STOX2: variants seen among roughly 807,000 people sequenced by gnomAD.
STOX2 encodes the protein storkhead-box protein 2.
Under a neutral mutation model 60.9 loss-of-function variants are expected in STOX2, and 28 were observed. That is an observed-to-expected ratio of 0.46 (90% CI 0.34 to 0.63). STOX2 has a LOEUF of 0.63. Ranked by LOEUF, STOX2 falls within the 30% of genes least tolerant of loss-of-function variation. The pLI, the probability that STOX2 is intolerant of heterozygous loss-of-function variation, is 0.01. For missense variants in STOX2, 1,024 were observed against 1,187.7 expected (o/e 0.86, Z 2.03); for synonymous variants, 472 against 463.9 (o/e 1.02, Z -0.22).
upstream of STOX2, among the ~76,000 whole-genome samples, chr4:183,905,101 C>A (rs992058677): frequency 2.6e-5 from 4 of 152,242 alleles, no homozygotes; most frequent in African/African-American, 9.6e-5. Context: ...AAACCCAAAT[C>A]GAGGAGATAA....
intron 1 of STOX2, among the ~76,000 whole-genome samples, chr4:183,810,476 C>T (rs1356464768): frequency 6.6e-6 from 1 of 152,038 alleles, no homozygotes; most frequent in Non-Finnish European, 1.5e-5. Context: ...AATTCATTGC[C>T]AAAGAAAGAG....
At chr4:183,916,592 A>G (rs1451526534) in intron 1 of STOX2, among the ~76,000 whole-genome samples, 1 of 152,214 alleles carries the variant, frequency 6.6e-6, no homozygotes, top group East Asian at 1.9e-4. Flanking sequence ...TTTTGTCATT[A>G]AAAGTAATGG....
At position 183,836,700 on chromosome 4, in the gene STOX2, G is replaced by T. The variant is rs1006441535; in HGVS notation, c.364+38645G>T. Among the ~76,000 whole-genome samples, 1 of 152,158 alleles carries T rather than the reference G, an allele frequency of 6.6e-6. No homozygotes were observed. The highest frequency in any genetic ancestry group is 2.4e-5 in the African/African-American group (1 of 41,424). Reference sequence around the variant, plus strand: ...CATCGCAGTCACCGTCTCCCATTTCGTGGCAGGGTCAGTGACTTCTCGTGA... The same window carrying T: ...CATCGCAGTCACCGTCTCCCATTTCTTGGCAGGGTCAGTGACTTCTCGTGA... On this transcript the variant is annotated intron_variant, in intron 1 of 2. Transcript: ENST00000513034. This position sits in a 1 kb window ranked among gnomAD's most constrained non-coding sequence, Gnocchi z 4.1.
At chr4:183,988,103 T>G (rs1283475823) in intron 1 of STOX2, among the ~76,000 whole-genome samples, 1 of 151,936 alleles carries the variant, frequency 6.6e-6, no homozygotes, top group Non-Finnish European at 1.5e-5. Context: ...ACCCCGCGCC[T>G]GGGGTACATT....
At position 184,022,889 on chromosome 4, in the gene STOX2, C is replaced by G. The variant is rs1481802211; in HGVS notation, c.*5605C>G. On this transcript the variant is annotated 3_prime_UTR_variant, in exon 4 of 4. Transcript: ENST00000308497. The stretch of plus-strand genomic sequence containing the variant: ...CACACTTGCTGGGTTAGGAATAGAG[C>G]TGCCCTAGGGTCACCTTCATGCAAG... 1 of 152,132 alleles carries G rather than the reference C, an allele frequency of 6.6e-6. No individual in the cohort carries two copies. The highest frequency in any genetic ancestry group is 1.5e-5 in the Non-Finnish European group (1 of 68,012). 9.4% of individuals were successfully genotyped at this position (152,132 alleles called of 1,614,324 possible).
chr4:183,882,954 T>C (rs1740988994), intron 1 of STOX2, among the ~76,000 whole-genome samples: 1 of 152,238 alleles, frequency 6.6e-6, no homozygotes, highest in Non-Finnish European at 1.5e-5. Context: ...TTCCAAGAAA[T>C]GCTAAATGTT....
intron 1 of STOX2, among the ~76,000 whole-genome samples, chr4:183,835,013 G>A (rs1399043154): frequency 3.3e-5 from 5 of 152,096 alleles, no homozygotes; most frequent in African/African-American, 1.2e-4. Flanking sequence ...AGAGTTTGAT[G>A]CAATACAGTG....
chr4:183,798,391 A>G (rs1321859463), intron 1 of STOX2, among the ~76,000 whole-genome samples: 1 of 150,756 alleles, frequency 6.6e-6, no homozygotes, highest in Non-Finnish European at 1.5e-5. Context: ...GGGGCGCGTG[A>G]GTGTCCCCCT....
At chr4:184,003,136 G>A (rs1376734834) in intron 2 of STOX2, among the ~76,000 whole-genome samples, 1 of 152,356 alleles carries the variant, frequency 6.6e-6, no homozygotes, top group African/African-American at 2.4e-5. Flanking sequence ...CAGTGGTCTT[G>A]GAGGAAGGAC....
intron 1 of STOX2, among the ~76,000 whole-genome samples, chr4:183,818,874 G>T (rs1027752553): frequency 3.9e-5 from 6 of 152,068 alleles, no homozygotes; most frequent in Non-Finnish European, 8.8e-5. Context: ...CAGACGGGGT[G>T]GTGGGGCAGA....
intron 1 of STOX2, among the ~76,000 whole-genome samples, chr4:183,798,380 CG>C (rs907183272): frequency 5.3e-5 from 8 of 150,728 alleles, no homozygotes; most frequent in Admixed American, 2.6e-4. Context: ...GCGCGGCGCT[CG>C]GGGCGCGTGA....
intron 2 of STOX2, among the ~76,000 whole-genome samples, chr4:184,007,026 A>AC (rs1560937281): frequency 2.3e-5 from 3 of 130,204 alleles, no homozygotes; most frequent in East Asian, 2.1e-4. Flanking sequence ...AAAAAAAAAA[A>AC]AAAAAACAAA....
At chr4:183,866,091 C>T (rs764138502) in intron 1 of STOX2, among the ~76,000 whole-genome samples, 8 of 152,110 alleles carry the variant, frequency 5.3e-5, no homozygotes, top group Non-Finnish European at 7.3e-5. Context: ...GAAAGATACA[C>T]GTGCTGATGA....
At chr4:183,849,248 G>A (rs903291601) in intron 1 of STOX2, among the ~76,000 whole-genome samples, 2 of 152,204 alleles carry the variant, frequency 1.3e-5, no homozygotes, top group African/African-American at 4.8e-5. Context: ...TGGAGTTGGG[G>A]AATTAGGAGC....
intron 1 of STOX2, among the ~76,000 whole-genome samples, chr4:183,968,298 C>G (rs1044326028): frequency 6.6e-6 from 1 of 151,120 alleles, no homozygotes. Flanking sequence ...ATCACCATTA[C>G]TGCATTAAAA....
chr4:183,815,045 G>A (rs73008725), intron 1 of STOX2, among the ~76,000 whole-genome samples: 3,077 of 151,692 alleles, frequency 0.02, 81 homozygotes, highest in African/African-American at 0.071. Flanking sequence ...TGTTGCCCAC[G>A]CTGGAGTGCA....
intron 1 of STOX2, among the ~76,000 whole-genome samples, chr4:183,918,386 A>G (rs1477163853): frequency 6.6e-6 from 1 of 152,206 alleles, no homozygotes; most frequent in African/African-American, 2.4e-5. Context: ...ACTTGGCTTT[A>G]CTTAAAATCA....
At chr4:183,993,054 A>ACC (rs1483862627) in intron 1 of STOX2, among the ~76,000 whole-genome samples, 1 of 152,260 alleles carries the variant, frequency 6.6e-6, no homozygotes, top group African/African-American at 2.4e-5. Flanking sequence ...TGTTCCTATC[A>ACC]GAGACGTCAG....
rs890177695 is a variant in STOX2 at position 183,825,542 on chromosome 4, T to C, written c.364+27487T>C. Among the ~76,000 whole-genome samples, 2 of 152,170 alleles carry C rather than the reference T, an allele frequency of 1.3e-5. No homozygotes were observed. ...CAGGCCCAAGTGCAGGCAGCCACCCTCGCTGTAGGTGTGTGTGTCCGTGCC... is the reference window on the plus strand; with the variant it reads ...CAGGCCCAAGTGCAGGCAGCCACCCCCGCTGTAGGTGTGTGTGTCCGTGCC... On this transcript the variant is annotated intron_variant, in intron 1 of 2. Transcript: ENST00000513034. This position sits in a 1 kb window ranked among gnomAD's most constrained non-coding sequence, Gnocchi z 4.1.
Sources: gnomAD v4.1 joint callset for allele counts (sites outside exome capture counted in the v4.1 genomes callset) on GRCh38, gnomAD v4.1.1 for gene constraint, Gnocchi (gnomAD v3.1) non-coding constraint, MANE v1.5 for transcripts, NCBI Gene and HGNC (gene_info 2026-07-23, HGNC 2026-07-21) for gene names.